Variants in HYKK observed in about 807,000 individuals in gnomAD.
The protein encoded by HYKK is 5-hydroxy-L-lysine kinase.
Under a neutral mutation model 29.7 loss-of-function variants are expected in HYKK, and 19 were observed. That is an observed-to-expected ratio of 0.64 (90% confidence interval 0.45 to 0.94). The LOEUF is 0.94. Among genes scored for constraint, HYKK ranks in the 40% least tolerant of loss-of-function variants. HYKK has a pLI of 0.00. For synonymous variants in HYKK, 152 were observed against 158.1 expected, an observed-to-expected ratio of 0.96 and a Z score of 0.29; for missense variants, 390 against 443.4, an observed-to-expected ratio of 0.88 and a Z score of 1.08.
intron 4 of HYKK, among the ~76,000 whole-genome samples, chr15:78,531,408 AC>A (rs1461257379): frequency 1.3e-5 from 2 of 152,174 alleles, no homozygotes; most frequent in Non-Finnish European, 2.9e-5. Flanking sequence ...ACTTTCACTT[AC>A]ATTTTTGTCT....
chr15:78,530,556 T>C (rs1041628905), intron 4 of HYKK, among the ~76,000 whole-genome samples: 13 of 152,220 alleles, frequency 8.5e-5, no homozygotes, highest in Non-Finnish European at 1.5e-4. Context: ...ATCTGTGTTG[T>C]TCAATACAAT....
intron 2 of HYKK, among the ~76,000 whole-genome samples, chr15:78,514,462 T>G (rs187635165): frequency 2.0e-5 from 3 of 152,212 alleles, no homozygotes; most frequent in African/African-American, 7.2e-5. Flanking sequence ...TTTCTTAATT[T>G]GCATTGCTCC....
At position 78,507,648 on chromosome 15, in the gene HYKK, C is replaced by T. The variant is rs1161423885; in HGVS notation, c.-29C>T. On this transcript the variant is annotated 5_prime_UTR_variant, in exon 1 of 5. Coordinates refer to ENST00000388988, the MANE Select transcript of HYKK (RefSeq NM_001013619.4). ...CCTGTCTGCGGGAAAGCGGGATCCA[C>T]CCCAGGACGTCGGGTCGCTGCCGGT... 6.6e-6 allele frequency: 1 copy of T among 152,322 alleles called. No homozygotes were observed. Among genetic ancestry groups the T allele is most frequent in the African/African-American group, 2.4e-5 (1 of 41,454 alleles). The allele number at this position is 152,322 out of a possible 1,614,324, so 9.4% of individuals were successfully genotyped here.
intron 3 of HYKK, among the ~76,000 whole-genome samples, chr15:78,522,977 G>A (rs1051975836): frequency 1.3e-5 from 2 of 152,112 alleles, no homozygotes; most frequent in Admixed American, 6.5e-5. Context: ...TTCCAGATGG[G>A]CCCAGAGGTC....
Position 78,528,875 on chromosome 15 carries a change from G to A in HYKK, c.661+1312G>A, listed in dbSNP as rs141871036. 9.5e-4 allele frequency: 927 copies of A among 980,616 alleles called. 7 individuals are homozygous for A. In the African/African-American group the frequency reaches 0.015, roughly 16 times the overall value. 60.7% of individuals were successfully genotyped at this position (980,616 alleles called of 1,614,324 possible). On this transcript the variant is annotated intron_variant, in intron 4 of 4. Transcript: ENST00000388988. ...AGATAGGCAGTATGTGTTTCTCAGT[G>A]TTTCCTTACTCCGTGTAAACACAGT...
intron 3 of HYKK, among the ~76,000 whole-genome samples, chr15:78,524,089 A>G (rs2052225016): frequency 6.6e-6 from 1 of 152,256 alleles, no homozygotes; most frequent in African/African-American, 2.4e-5. Flanking sequence ...GCAGTACCCC[A>G]GTGGGGACTC....
rs1378592663 is a variant in HYKK at position 78,535,292 on chromosome 15, T to TTCTC, written c.*1623_*1624insCTCT. 1 of 138,770 alleles carries TTCTC rather than the reference T, an allele frequency of 7.2e-6. No homozygotes were observed. The highest frequency in any genetic ancestry group is 1.6e-5 in the Non-Finnish European group (1 of 64,128). The allele number at this position is 138,770 out of a possible 1,614,324, so 8.6% of individuals were successfully genotyped here. ...TCTTTTTCTTTTCTTTTCTTTTCTT[T>TTCTC]TTTTTTTTTTTTGGTGGTGGGGCGG... On this transcript the variant is annotated 3_prime_UTR_variant, in exon 5 of 5. Transcript: ENST00000388988.
Position 78,513,435 on chromosome 15 carries a change from G to T in HYKK, c.337+10G>T. 1 of 1,591,442 alleles carries T rather than the reference G, an allele frequency of 6.3e-7. No homozygotes were observed. The highest frequency in any genetic ancestry group is 1.1e-5 in the South Asian group (1 of 89,266). On this transcript the variant is annotated intron_variant, in intron 2 of 4. Coordinates refer to ENST00000388988, the MANE Select transcript of HYKK (RefSeq NM_001013619.4). ...TCTCTCGTGTCTGTAGGTAAGAGAT[G>T]ACCAATTCGCCGATCCATTACCTAT...
downstream of HYKK, chr15:78,536,699 A>T (rs2052366265): frequency 6.6e-6 from 1 of 152,240 alleles, no homozygotes; most frequent in South Asian, 2.1e-4. Flanking sequence ...TGGTTTATAT[A>T]AACTCTTTGG....
At chr15:78,517,109 C>CTTTTTTTTTTTTTTTTTTTTTTTTTTT (rs34680285) in intron 3 of HYKK, among the ~76,000 whole-genome samples, 1 of 108,404 alleles carries the variant, frequency 9.2e-6, no homozygotes, top group Non-Finnish European at 1.9e-5. Context: ...TTCTTTCTTT[C>CTTTTTTTTTTTTTTTTTTTTTTTTTTT]TTTTTTTTTT....
chr15:78,519,990 A>C (rs777789780), intron 3 of HYKK, among the ~76,000 whole-genome samples: 1 of 152,154 alleles, frequency 6.6e-6, no homozygotes, highest in Non-Finnish European at 1.5e-5. Flanking sequence ...AAAGCAATAC[A>C]GTTTTAGAGG....
intron 3 of HYKK, among the ~76,000 whole-genome samples, chr15:78,517,874 T>C (rs12912673): frequency 0.32 from 49,168 of 152,052 alleles, 8,801 homozygotes; most frequent in Non-Finnish European, 0.42. Flanking sequence ...GTGCGTGCCA[T>C]GTACTCTTCC....
chr15:78,513,139 C>G lies in HYKK; in HGVS notation c.51C>G (p.Phe17Leu). 1 of 1,614,026 alleles carries G rather than the reference C, an allele frequency of 6.2e-7. No homozygotes were observed. Among genetic ancestry groups the G allele is most frequent in the Non-Finnish European group, 8.5e-7 (1 of 1,179,938 alleles). The change falls in exon 2 of 5, where the codon TTC (phenylalanine) becomes TTG (leucine). Residue 17 changes from phenylalanine (F) to leucine (L), a missense_variant. Transcript: ENST00000388988. ...CAGAGGCTCTTAGCAAACCCACTTT[C>G]AGTGAGGAACAAGCCTCTGCGTTAG... is the stretch of plus-strand genomic sequence containing the variant. The part of the protein sequence containing the change: ...QQSEALSKPT[F>L]SEEQASALVE...
At chr15:78,528,794 C>T (rs1482198375) in intron 4 of HYKK, 2 of 931,652 alleles carry the variant, frequency 2.1e-6, no homozygotes, top group South Asian at 5.0e-5. Context: ...AGAGCGAAAT[C>T]CGTCTCCAAA....
At chr15:78,509,892 A>T (rs2052054043) in intron 1 of HYKK, among the ~76,000 whole-genome samples, 1 of 152,206 alleles carries the variant, frequency 6.6e-6, no homozygotes, top group African/African-American at 2.4e-5. Flanking sequence ...AACAGGAAAC[A>T]TGATTGTCAA....
Position 78,533,410 on chromosome 15 carries a change from C to A in HYKK, c.862C>A (p.Leu288Ile). ...TCCTATACAAGTAGGAGGCCATGTC[C>A]TTGCAGGGTTTGAAAGCATCACCCC... is the stretch of plus-strand genomic sequence containing the variant. ...KSPIQVGGHV[L>I]AGFESITPLT... Residue 288 changes from leucine to isoleucine, a missense_variant, in exon 5 of 5, where the codon CTT becomes ATT. Physicochemically the swap from Leu to Ile is conservative, Grantham distance 5. Transcript: ENST00000388988. 1.9e-6 allele frequency: 3 copies of A among 1,614,176 alleles called. 1 individual carries two copies. The South Asian group carries it at 3.3e-5, about 18-fold the overall frequency.
intron 2 of HYKK, among the ~76,000 whole-genome samples, chr15:78,513,783 A>AT (rs1444895041): frequency 3.3e-5 from 5 of 151,690 alleles, no homozygotes; most frequent in South Asian, 4.2e-4. Context: ...TGGTTTTGGG[A>AT]TTTTTTATTT....
intron 3 of HYKK, among the ~76,000 whole-genome samples, chr15:78,519,481 C>T (rs143790900): frequency 4.6e-5 from 7 of 152,182 alleles, no homozygotes; most frequent in East Asian, 1.9e-4. Flanking sequence ...TGAACTGGGC[C>T]GGGCACAGTG....
At chr15:78,517,657 A>G (rs868775677) in intron 3 of HYKK, among the ~76,000 whole-genome samples, 1 of 151,956 alleles carries the variant, frequency 6.6e-6, no homozygotes, top group African/African-American at 2.4e-5. Context: ...AGTTTTCCTC[A>G]TGTTTGTTAT....
Sources: gnomAD v4.1 joint callset for allele counts (sites outside exome capture counted in the v4.1 genomes callset) on GRCh38, gnomAD v4.1.1 for gene constraint, MANE v1.5 for transcripts, NCBI Gene and HGNC (gene_info 2026-07-23, HGNC 2026-07-21) for gene names.